Variants in ITGA9 observed in about 807,000 individuals in gnomAD.
ITGA9 encodes the protein integrin subunit alpha 9, also known as integrin alpha-9.
ITGA9 carries 56 observed loss-of-function variants against 127.8 expected under a neutral mutation model. The observed-to-expected ratio is 0.44, with a 90% CI of 0.35 to 0.55. The LOEUF (loss-of-function observed/expected upper bound fraction) is 0.55. ITGA9 is among the 20% of genes least tolerant of loss of function. The probability of loss-of-function intolerance (pLI) is 0.00; values close to 1 mark genes in which losing one functional copy is unlikely to be tolerated. For missense variants in ITGA9, 1,196 were observed against 1,347.1 expected, an observed-to-expected ratio of 0.89 and a Z score of 1.76; for synonymous variants, 508 against 514.5, an observed-to-expected ratio of 0.99 and a Z score of 0.17.
At position 37,785,059 on chromosome 3, in the gene ITGA9, G is replaced by T. The variant is rs1170182731; in HGVS notation, c.2870G>T (p.Gly957Val). Residue 957 changes from glycine (G) to valine (V), a missense_variant, in exon 26 of 28, where the codon GGG (glycine) becomes GTG (valine). Gly to Val is a moderately radical substitution (Grantham distance 109). Coordinates refer to ENST00000264741, the MANE Select transcript of ITGA9 (RefSeq NM_002207.3). ...CTAAGGGTGGTGGAAATAGCTCATGGGAACCCAGAAGAGGTGACGGTGAGT... is the reference window on the plus strand; with the variant it reads ...CTAAGGGTGGTGGAAATAGCTCATGTGAACCCAGAAGAGGTGACGGTGAGT... ...PALRVVEIAH[G>V]NPEEVTVVFE... 1.9e-6 allele frequency: 3 copies of T among 1,613,934 alleles called. No individual in the cohort carries two copies.
intron 14 of ITGA9, among the ~76,000 whole-genome samples, chr3:37,537,518 C>G (rs1699221111): frequency 6.6e-6 from 1 of 152,212 alleles, no homozygotes. Flanking sequence ...CATCCAGTTA[C>G]ATTGAGTTGC....
At chr3:37,667,462 G>A (rs529685775) in intron 17 of ITGA9, among the ~76,000 whole-genome samples, 13 of 152,328 alleles carry the variant, frequency 8.5e-5, no homozygotes, top group African/African-American at 2.6e-4. Context: ...GATAAGGGAT[G>A]TGTCCACAGC....
At chr3:37,637,727 C>G (rs969595626) in intron 16 of ITGA9, among the ~76,000 whole-genome samples, 1 of 152,160 alleles carries the variant, frequency 6.6e-6, no homozygotes, top group Admixed American at 6.5e-5. Flanking sequence ...GGCTGGAGTG[C>G]AGTGACAGGA....
chr3:37,543,875 C>A (rs1266634784), intron 15 of ITGA9, among the ~76,000 whole-genome samples: 1 of 152,264 alleles, frequency 6.6e-6, no homozygotes, highest in Non-Finnish European at 1.5e-5. Context: ...CCCAGACCAG[C>A]TGCCTGAGGG....
chr3:37,603,883 T>G (rs1184944983), intron 15 of ITGA9, among the ~76,000 whole-genome samples: 1 of 152,190 alleles, frequency 6.6e-6, no homozygotes, highest in African/African-American at 2.4e-5. Context: ...TTATTTTGTC[T>G]TGTTGGGCTG....
chr3:37,741,420 C>T (rs1319229252), intron 20 of ITGA9, among the ~76,000 whole-genome samples: 4 of 152,210 alleles, frequency 2.6e-5, no homozygotes, highest in Admixed American at 2.6e-4. Flanking sequence ...CAGCACGACC[C>T]TCCTGTATGG....
rs74684858 is a variant in ITGA9 at position 37,817,685 on chromosome 3, G to A, written c.3010-1206G>A. Among the ~76,000 whole-genome samples, 687 of 152,306 alleles carry A rather than the reference G, an allele frequency of 4.5e-3. 8 individuals carry two copies. The highest frequency in any genetic ancestry group is 0.014 in the South Asian group (67 of 4,824). ...CCACCAATGTTAGTGAGCCAAGGAC[G>A]AGAGATGCCGAGTCTCTCAGAGCAT... On this transcript the variant is annotated intron_variant, in intron 27 of 27. Transcript: ENST00000264741.
At chr3:37,566,633 G>A (rs1441157669) in intron 15 of ITGA9, among the ~76,000 whole-genome samples, 1 of 152,216 alleles carries the variant, frequency 6.6e-6, no homozygotes, top group Non-Finnish European at 1.5e-5. Flanking sequence ...TGGTGGGTGT[G>A]CTGCAGTCTT....
intron 6 of ITGA9, among the ~76,000 whole-genome samples, chr3:37,505,690 A>G (rs537992558): frequency 1.3e-5 from 2 of 152,358 alleles, no homozygotes; most frequent in African/African-American, 2.4e-5. Flanking sequence ...CACGTCAGAT[A>G]TATGACCTTA....
chr3:37,595,158 G>C (rs1409345567), intron 15 of ITGA9, among the ~76,000 whole-genome samples: 1 of 151,922 alleles, frequency 6.6e-6, no homozygotes, highest in African/African-American at 2.4e-5. Flanking sequence ...AGGCGGGAGT[G>C]CAGTGGTACA....
At chr3:37,710,493 T>C (rs1013905474) in intron 18 of ITGA9, among the ~76,000 whole-genome samples, 1 of 152,236 alleles carries the variant, frequency 6.6e-6, no homozygotes, top group Non-Finnish European at 1.5e-5. Flanking sequence ...GTCTTGATCC[T>C]GGGCTCGCAG....
chr3:37,707,680 A>G (rs1701022568), intron 18 of ITGA9, among the ~76,000 whole-genome samples: 1 of 152,196 alleles, frequency 6.6e-6, no homozygotes, highest in Admixed American at 6.5e-5. Flanking sequence ...TGAGCACATG[A>G]TCTCACCACT....
chr3:37,660,126 A>G (rs1255471731), intron 17 of ITGA9, among the ~76,000 whole-genome samples: 1 of 152,198 alleles, frequency 6.6e-6, no homozygotes, highest in African/African-American at 2.4e-5. Flanking sequence ...AAATTACTTA[A>G]AACTCATGGC....
intron 27 of ITGA9, chr3:37,808,574 C>T (rs1201079236): frequency 6.6e-6 from 1 of 152,186 alleles, no homozygotes; most frequent in East Asian, 1.9e-4. Context: ...ATACAAACTG[C>T]CCCCAAATTG....
intron 10 of ITGA9, among the ~76,000 whole-genome samples, chr3:37,518,606 C>T (rs996874184): frequency 1.4e-4 from 22 of 152,034 alleles, no homozygotes; most frequent in African/African-American, 5.1e-4. Flanking sequence ...TTCTCAGTTA[C>T]ACAATAGCCA....
intron 17 of ITGA9, among the ~76,000 whole-genome samples, chr3:37,654,397 G>A (rs1413163842): frequency 3.3e-5 from 5 of 152,168 alleles, no homozygotes; most frequent in Non-Finnish European, 5.9e-5. Flanking sequence ...GCGGCCTTCT[G>A]TTTCCTCTTT....
chr3:37,563,465 C>CCA (rs1366904468), intron 15 of ITGA9, among the ~76,000 whole-genome samples: 151 of 152,300 alleles, frequency 9.9e-4, no homozygotes, highest in African/African-American at 3.2e-3. Context: ...GCACTCAGCC[C>CCA]ACACTTTGCT....
intron 15 of ITGA9, among the ~76,000 whole-genome samples, chr3:37,612,609 C>T (rs1394787880): frequency 1.3e-5 from 2 of 152,184 alleles, no homozygotes; most frequent in South Asian, 2.1e-4. Flanking sequence ...AATTCTTTTC[C>T]TCTATCTAAA....
chr3:37,716,869 A>G (rs1438116346), intron 18 of ITGA9, among the ~76,000 whole-genome samples: 1 of 152,128 alleles, frequency 6.6e-6, no homozygotes, highest in Non-Finnish European at 1.5e-5. Flanking sequence ...ATTGTTCTTA[A>G]AAATACAAAA....
Sources: gnomAD v4.1 joint callset for allele counts (sites outside exome capture counted in the v4.1 genomes callset) on GRCh38, gnomAD v4.1.1 for gene constraint, MANE v1.5 for transcripts, NCBI Gene and HGNC (gene_info 2026-07-23, HGNC 2026-07-21) for gene names.